PPFIA2: variants seen among roughly 807,000 people sequenced by gnomAD.
PPFIA2 encodes the protein liprin-alpha-2.
Under a neutral mutation model 175.5 loss-of-function variants are expected in PPFIA2, and 46 were observed. That is an observed-to-expected ratio of 0.26 (90% CI 0.21 to 0.34). The LOEUF (loss-of-function observed/expected upper bound fraction) is 0.34, where lower values mean the gene tolerates loss of function less well. Ranked by LOEUF, PPFIA2 falls within the 10% of genes least tolerant of loss-of-function variation. The pLI is 1.00. For missense variants in PPFIA2, 1,179 were observed against 1,506.1 expected, an observed-to-expected ratio of 0.78 and a Z score of 3.60; for synonymous variants, 568 against 511.4, an observed-to-expected ratio of 1.11 and a Z score of -1.49.
chr12:81,670,387 A>G (rs1567802209), intron 4 of PPFIA2, among the ~76,000 whole-genome samples: 1 of 151,944 alleles, frequency 6.6e-6, no homozygotes, highest in Admixed American at 6.6e-5. Context: ...GTTCCTTAAT[A>G]TCATCAATTC....
chr12:81,649,703 A>C, intron 4 of PPFIA2, among the ~76,000 whole-genome samples: 1 of 152,238 alleles, frequency 6.6e-6, no homozygotes, highest in East Asian at 1.9e-4. Flanking sequence ...ACAGAAAACT[A>C]TTCAACAATA....
intron 4 of PPFIA2, among the ~76,000 whole-genome samples, chr12:81,574,074 T>C (rs1424063686): frequency 6.6e-6 from 1 of 151,862 alleles, no homozygotes; most frequent in African/African-American, 2.4e-5. Flanking sequence ...CATTTAATGC[T>C]ACATTTTCTA....
intron 4 of PPFIA2, among the ~76,000 whole-genome samples, chr12:81,628,437 C>T (rs1055088525): frequency 7.4e-6 from 1 of 134,524 alleles, no homozygotes; most frequent in Non-Finnish European, 1.5e-5. Context: ...AGTGCAGTGG[C>T]GTGATCTTGG....
chr12:81,659,771 T>C (rs2068472845), intron 4 of PPFIA2, among the ~76,000 whole-genome samples: 2 of 152,344 alleles, frequency 1.3e-5, no homozygotes, highest in South Asian at 2.1e-4. Flanking sequence ...AGTGAGTCCC[T>C]GACCCCTGAG....
rs773519906 is a variant in PPFIA2, at chr12:81,374,784, G to T, written c.1132-16C>A. ...TCTCTTCCATCTGAAATGGGAATGG[G>T]AGCAGAGACACTTAAAGAGTCAGAG... On this transcript the variant is annotated splice_polypyrimidine_tract_variant and intron_variant, in intron 10 of 32. Transcript: ENST00000549396. 72 of 1,606,958 alleles carry T rather than the reference G, an allele frequency of 4.5e-5. 1 individual carries two copies. The highest frequency in any genetic ancestry group is 4.2e-4 in the Admixed American group (25 of 59,318).
intron 4 of PPFIA2, among the ~76,000 whole-genome samples, chr12:81,608,286 T>C (rs1396267250): frequency 3.3e-5 from 5 of 152,098 alleles, no homozygotes. Flanking sequence ...CAGATTTTGG[T>C]ATTAGGCTGA....
intron 4 of PPFIA2, among the ~76,000 whole-genome samples, chr12:81,555,353 T>A (rs1258821071): frequency 6.6e-6 from 1 of 152,020 alleles, no homozygotes; most frequent in East Asian, 1.9e-4. Context: ...ACATATGGTA[T>A]GTAATATAGC....
In PPFIA2 at chr12:81,538,129, C is replaced by T. The variant is rs572880728; in HGVS notation, c.304-80263G>A. 2.0e-5 allele frequency among the ~76,000 whole-genome samples: 3 copies of T among 151,880 alleles called. No homozygotes were observed. In the East Asian group the frequency reaches 5.8e-4, roughly 29 times the overall value. ...TGTAATGTTAGAAAGTTATTATATC[C>T]CAATGAACTTGTTTCCTCCCTTGCA... On this transcript the variant is annotated intron_variant, in intron 4 of 32. Coordinates refer to ENST00000549396, the MANE Select transcript of PPFIA2 (RefSeq NM_003625.5).
chr12:81,390,131 T>C lies in PPFIA2; in HGVS notation c.763-5887A>G, dbSNP rs140780530. Among the ~76,000 whole-genome samples, 412 of 152,198 alleles carry C rather than the reference T, an allele frequency of 2.7e-3. 1 individual carries two copies. The highest frequency in any genetic ancestry group is 9.0e-3 in the African/African-American group (373 of 41,560). On this transcript the variant is annotated intron_variant, in intron 8 of 32. Transcript: ENST00000549396. ...ATGTTATCCACACCTCATTTCTACA[T>C]TGATGAATAGTATTCCATCATGGGG...
At chr12:81,746,915 A>G (rs1430094810) in intron 3 of PPFIA2, among the ~76,000 whole-genome samples, 1 of 143,790 alleles carries the variant, frequency 7.0e-6, no homozygotes, top group Non-Finnish European at 1.6e-5. Flanking sequence ...AGAGCATGGG[A>G]ATTTCAACAT....
chr12:81,602,524 T>C (rs1270346855), intron 4 of PPFIA2, among the ~76,000 whole-genome samples: 1 of 151,384 alleles, frequency 6.6e-6, no homozygotes, highest in Non-Finnish European at 1.5e-5. Context: ...AGAATAAAGA[T>C]ATATTTTATA....
chr12:81,517,313 G>C (rs567177486), intron 4 of PPFIA2, among the ~76,000 whole-genome samples: 73 of 152,136 alleles, frequency 4.8e-4, no homozygotes, highest in African/African-American at 1.7e-3. Context: ...GAGAATTACT[G>C]TCTCTTCCAA....
chr12:81,577,894 G>A, intron 4 of PPFIA2, among the ~76,000 whole-genome samples: 1 of 151,698 alleles, frequency 6.6e-6, no homozygotes, highest in East Asian at 1.9e-4. Flanking sequence ...CTGTTTTTCT[G>A]GTTCAGGATT....
intron 4 of PPFIA2, among the ~76,000 whole-genome samples, chr12:81,659,683 T>C (rs1173508628): frequency 6.6e-6 from 1 of 152,158 alleles, no homozygotes; most frequent in African/African-American, 2.4e-5. Flanking sequence ...TTAATGTCCC[T>C]GTCTGACAGC....
intron 4 of PPFIA2, among the ~76,000 whole-genome samples, chr12:81,634,609 G>A (rs946021685): frequency 2.0e-5 from 3 of 151,984 alleles, no homozygotes; most frequent in African/African-American, 7.2e-5. Flanking sequence ...GTGAAAAGTG[G>A]AATAATTTTT....
intron 4 of PPFIA2, among the ~76,000 whole-genome samples, chr12:81,468,537 C>A (rs1040585949): frequency 1.2e-4 from 19 of 152,184 alleles, no homozygotes; most frequent in African/African-American, 4.6e-4. Flanking sequence ...TAGGTAACAC[C>A]TGCTGTGGCA....
At chr12:81,500,946 T>C (rs2147392346) in intron 4 of PPFIA2, among the ~76,000 whole-genome samples, 1 of 152,212 alleles carries the variant, frequency 6.6e-6, no homozygotes, top group Non-Finnish European at 1.5e-5. Context: ...AGGGAAGAGG[T>C]CAAAACCGTT....
At chr12:81,560,795 A>C (rs2069888540) in intron 4 of PPFIA2, among the ~76,000 whole-genome samples, 1 of 152,154 alleles carries the variant, frequency 6.6e-6, no homozygotes, top group Non-Finnish European at 1.5e-5. Context: ...GGTGCCTCTG[A>C]TTCTATTAAG....
At chr12:81,343,618 T>C (rs982104240) in intron 19 of PPFIA2, among the ~76,000 whole-genome samples, 2 of 152,210 alleles carry the variant, frequency 1.3e-5, no homozygotes, top group East Asian at 1.9e-4. Context: ...TGCTGAGGAA[T>C]AGATTTTTGC....
Sources: gnomAD v4.1 joint callset for allele counts (sites outside exome capture counted in the v4.1 genomes callset) on GRCh38, gnomAD v4.1.1 for gene constraint, MANE v1.5 for transcripts, NCBI Gene and HGNC (gene_info 2026-07-23, HGNC 2026-07-21) for gene names.